The following ST6GALNAC3 variants were observed in gnomAD, a reference collection of about 807,000 sequenced individuals.
ST6GALNAC3 encodes the protein alpha-N-acetylgalactosaminide alpha-2,6-sialyltransferase 3.
Under a neutral mutation model 32.7 loss-of-function variants are expected in ST6GALNAC3, and 25 were observed. The ratio of observed to expected loss-of-function variants is 0.76; its 90% CI spans 0.56 to 1.07. The LOEUF is 1.07. Ranked by LOEUF, ST6GALNAC3 falls within the 50% of genes least tolerant of loss-of-function variation. The pLI, the probability that ST6GALNAC3 is intolerant of heterozygous loss-of-function variation, is 0.00. For missense variants in ST6GALNAC3, 355 were observed against 382.4 expected (o/e 0.93, Z 0.60); for synonymous variants, 129 against 133.1 (o/e 0.97, Z 0.21).
At chr1:76,232,360 A>G (rs541064505) in intron 1 of ST6GALNAC3, among the ~76,000 whole-genome samples, 3 of 152,238 alleles carry the variant, frequency 2.0e-5, no homozygotes, top group African/African-American at 4.8e-5. Context: ...ATAGTACTGG[A>G]TGATCTACAG....
intron 2 of ST6GALNAC3, among the ~76,000 whole-genome samples, chr1:76,350,390 C>A (rs1648876340): frequency 6.6e-6 from 1 of 152,024 alleles, no homozygotes; most frequent in African/African-American, 2.4e-5. Flanking sequence ...ATCTCCCTCA[C>A]AAGATTTACT....
chr1:76,087,147 T>A (rs1646975302), intron 1 of ST6GALNAC3, among the ~76,000 whole-genome samples: 1 of 152,206 alleles, frequency 6.6e-6, no homozygotes, highest in Admixed American at 6.5e-5. Flanking sequence ...TGTGGCTTGA[T>A]TTGAGCCAAG....
intron 2 of ST6GALNAC3, among the ~76,000 whole-genome samples, chr1:76,363,280 T>C (rs1357495788): frequency 6.6e-6 from 1 of 152,214 alleles, no homozygotes; most frequent in African/African-American, 2.4e-5. Context: ...ATCACTCTCA[T>C]GTTCAAAGTT....
intron 1 of ST6GALNAC3, among the ~76,000 whole-genome samples, chr1:76,289,478 C>A (rs9437408): frequency 0.48 from 73,272 of 152,016 alleles, 17,878 homozygotes; most frequent in African/African-American, 0.55. Flanking sequence ...AGTTAGCTTA[C>A]ATCATGGGTT....
intron 3 of ST6GALNAC3, among the ~76,000 whole-genome samples, chr1:76,525,791 G>GTGTGTGTATATATATATATATA (rs1438917629): frequency 1.3e-5 from 1 of 75,530 alleles, no homozygotes; most frequent in Admixed American, 1.7e-4. Flanking sequence ...GTGTGTGTGT[G>GTGTGTGTATATATATATATATA]TATATATATA....
intron 1 of ST6GALNAC3, among the ~76,000 whole-genome samples, chr1:76,106,919 G>A (rs759182715): frequency 2.0e-5 from 3 of 152,276 alleles, no homozygotes; most frequent in Admixed American, 6.5e-5. Context: ...TACATTTCCC[G>A]TTGCTCAAGA....
At chr1:76,115,177 T>C (rs1334759363) in intron 1 of ST6GALNAC3, among the ~76,000 whole-genome samples, 2 of 152,172 alleles carry the variant, frequency 1.3e-5, no homozygotes, top group Non-Finnish European at 2.9e-5. Context: ...GGATCCCTTG[T>C]TAGATATATT....
At chr1:76,279,373 G>C (rs75540273) in intron 1 of ST6GALNAC3, among the ~76,000 whole-genome samples, 280 of 152,340 alleles carry the variant, frequency 1.8e-3, no homozygotes, top group African/African-American at 6.6e-3. Context: ...GTGTTCTTTG[G>C]TAAGAAAATT....
intron 1 of ST6GALNAC3, among the ~76,000 whole-genome samples, chr1:76,221,476 C>T (rs931857406): frequency 2.0e-5 from 3 of 152,012 alleles, no homozygotes; most frequent in Non-Finnish European, 4.4e-5. Flanking sequence ...CGTAAAATAC[C>T]GTGGAAAATA....
chr1:76,400,554 T>C (rs1653329231), intron 2 of ST6GALNAC3, among the ~76,000 whole-genome samples: 1 of 152,156 alleles, frequency 6.6e-6, no homozygotes. Context: ...ATAAGTGAGA[T>C]TGGGGACCAA....
chr1:76,302,803 G>A (rs1274848386), intron 1 of ST6GALNAC3, among the ~76,000 whole-genome samples: 2 of 151,902 alleles, frequency 1.3e-5, no homozygotes, highest in Admixed American at 6.6e-5. Context: ...GGTTCTGGGC[G>A]TTTTGAACAA....
At chr1:76,589,803 A>C (rs1402165671) in intron 3 of ST6GALNAC3, among the ~76,000 whole-genome samples, 2 of 151,714 alleles carry the variant, frequency 1.3e-5, no homozygotes, top group Non-Finnish European at 2.9e-5. Flanking sequence ...CAGATACCTA[A>C]TGAGTTAGAA....
At chr1:76,127,620 GC>G (rs2100855050) in intron 1 of ST6GALNAC3, among the ~76,000 whole-genome samples, 1 of 152,288 alleles carries the variant, frequency 6.6e-6, no homozygotes, top group East Asian at 1.9e-4. Context: ...TGGATCTCTT[GC>G]CATGATCCTG....
At chr1:76,243,676 G>A (rs1570558232) in intron 1 of ST6GALNAC3, among the ~76,000 whole-genome samples, 1 of 152,192 alleles carries the variant, frequency 6.6e-6, no homozygotes, top group Non-Finnish European at 1.5e-5. Flanking sequence ...CCTATGGCTA[G>A]CTAGTTTTCC....
intron 3 of ST6GALNAC3, among the ~76,000 whole-genome samples, chr1:76,623,771 G>C (rs890348793): frequency 6.6e-6 from 1 of 151,980 alleles, no homozygotes; most frequent in Non-Finnish European, 1.5e-5. Flanking sequence ...CTAGTTGTGT[G>C]TAATTTATAA....
intron 1 of ST6GALNAC3, among the ~76,000 whole-genome samples, chr1:76,145,136 A>C (rs761046216): frequency 5.9e-5 from 9 of 152,174 alleles, no homozygotes; most frequent in Non-Finnish European, 1.2e-4. Context: ...ACCAACCCTC[A>C]CACTGTTATT....
chr1:76,363,915 C>G (rs1484655595), intron 2 of ST6GALNAC3, among the ~76,000 whole-genome samples: 2 of 152,162 alleles, frequency 1.3e-5, no homozygotes, highest in Non-Finnish European at 2.9e-5. Flanking sequence ...TGGCATTAAA[C>G]TATTCATGAT....
chr1:76,452,182 C>T (rs1441814371), intron 3 of ST6GALNAC3, among the ~76,000 whole-genome samples: 2 of 152,078 alleles, frequency 1.3e-5, no homozygotes, highest in African/African-American at 4.8e-5. Flanking sequence ...ATGCTGGTCT[C>T]ATGATAGTGA....
At chr1:76,521,742 A>G (rs955219592) in intron 3 of ST6GALNAC3, among the ~76,000 whole-genome samples, 9 of 152,132 alleles carry the variant, frequency 5.9e-5, no homozygotes. Flanking sequence ...CATTGAGTGT[A>G]CAATGCTAGT....
Sources: allele counts gnomAD v4.1 joint callset (sites outside exome capture counted in the v4.1 genomes callset), GRCh38; gene constraint gnomAD v4.1.1; transcripts MANE v1.5; gene names NCBI Gene and HGNC (gene_info 2026-07-23, HGNC 2026-07-21).